Variants in ALK observed in about 807,000 individuals in gnomAD.
ALK encodes the protein ALK tyrosine kinase receptor.
A neutral mutation model predicts 163.1 loss-of-function variants in ALK; 74 were observed. The ratio of observed to expected loss-of-function variants is 0.45; its 90% CI spans 0.38 to 0.55. The LOEUF is 0.55. Ranked by LOEUF, ALK falls within the 20% of genes least tolerant of loss-of-function variation. The pLI, the probability that ALK is intolerant of heterozygous loss-of-function variation, is 0.00. For synonymous variants in ALK, 960 were observed against 843.2 expected, an observed-to-expected ratio of 1.14 and a Z score of -2.40; for missense variants, 2,063 against 2,105.3, an observed-to-expected ratio of 0.98 and a Z score of 0.39.
At chr2:29,549,236 G>C (rs1673652379) in intron 3 of ALK, among the ~76,000 whole-genome samples, 2 of 151,930 alleles carry the variant, frequency 1.3e-5, no homozygotes, top group Non-Finnish European at 2.9e-5. Flanking sequence ...TTCTTACTGT[G>C]AATCACAGTT....
intron 9 of ALK, among the ~76,000 whole-genome samples, chr2:29,283,824 T>C (rs1665776621): frequency 6.6e-6 from 1 of 152,200 alleles, no homozygotes. Context: ...ATGTGCTTCC[T>C]CAAGCAGTGC....
chr2:29,837,129 T>C (rs1296827385), intron 1 of ALK, among the ~76,000 whole-genome samples: 2 of 152,230 alleles, frequency 1.3e-5, no homozygotes, highest in African/African-American at 2.4e-5. Context: ...GAGAGTTGTA[T>C]GTTTCACAGT....
At chr2:29,244,224 C>T (rs1461101776) in intron 12 of ALK, among the ~76,000 whole-genome samples, 1 of 152,212 alleles carries the variant, frequency 6.6e-6, no homozygotes, top group Non-Finnish European at 1.5e-5. Context: ...CTGGGCTCTG[C>T]CTTTAACTCC....
intron 1 of ALK, among the ~76,000 whole-genome samples, chr2:29,877,393 G>C (rs535639983): frequency 6.6e-6 from 1 of 152,206 alleles, no homozygotes; most frequent in African/African-American, 2.4e-5. Context: ...TCCTATCACT[G>C]TCTGTCCCTT....
At chr2:29,269,602 G>C (rs72790281) in intron 11 of ALK, among the ~76,000 whole-genome samples, 229 of 152,282 alleles carry the variant, frequency 1.5e-3, no homozygotes, top group Non-Finnish European at 2.6e-3. Flanking sequence ...CCTTGTTAAG[G>C]CTGGTACTTC....
chr2:29,589,307 G>T (rs1674979825), intron 3 of ALK, among the ~76,000 whole-genome samples: 1 of 152,148 alleles, frequency 6.6e-6, no homozygotes, highest in Non-Finnish European at 1.5e-5. Flanking sequence ...AACAGGTGAG[G>T]GTCACAGGCA....
Position 29,233,622 on chromosome 2 carries a change from G to T in ALK, c.2430C>A (p.Ser810Arg). 6.2e-7 allele frequency: 1 copy of T among 1,614,162 alleles called. No individual in the cohort carries two copies. Among genetic ancestry groups the T allele is most frequent in the Non-Finnish European group, 8.5e-7 (1 of 1,180,026 alleles). Residue 810 changes from serine (S) to arginine (R), a missense_variant, in exon 14 of 29, where the codon AGC becomes AGA. Physicochemically the swap from Ser to Arg is moderately radical, Grantham distance 110. This residue lies in a region of ALK where 575 missense variants were observed against 626.6 expected (regional missense o/e 0.92). Coordinates refer to ENST00000389048, the MANE Select transcript of ALK (RefSeq NM_004304.5). ...VIEEEIRVNR[S>R]VHEWAGGGGG... Reference sequence around the variant, plus strand: ...CTCCGCCTCCTGCCCACTCATGCACGCTTCTGTTCACACGGATTTCTTCTT... The same window carrying T: ...CTCCGCCTCCTGCCCACTCATGCACTCTTCTGTTCACACGGATTTCTTCTT...
At chr2:29,310,225 G>T (rs1666659319) in intron 8 of ALK, among the ~76,000 whole-genome samples, 1 of 152,112 alleles carries the variant, frequency 6.6e-6, no homozygotes, top group Non-Finnish European at 1.5e-5. Context: ...TCATGACTCT[G>T]CCTCTAGCAG....
chr2:29,251,956 T>C (rs1664826196), intron 11 of ALK, among the ~76,000 whole-genome samples: 1 of 152,182 alleles, frequency 6.6e-6, no homozygotes, highest in South Asian at 2.1e-4. Flanking sequence ...AGGCTCCTTA[T>C]TAAAACCAGC....
chr2:29,546,403 T>C (rs1254923173), intron 3 of ALK, among the ~76,000 whole-genome samples: 1 of 152,140 alleles, frequency 6.6e-6, no homozygotes. Context: ...ATTTTGGTAA[T>C]CCTCAAGGAA....
intron 11 of ALK, among the ~76,000 whole-genome samples, chr2:29,253,986 T>C (rs1664891204): frequency 6.6e-6 from 1 of 152,158 alleles, no homozygotes; most frequent in South Asian, 2.1e-4. Flanking sequence ...AGGGACCAGA[T>C]GGAGATAATT....
intron 1 of ALK, among the ~76,000 whole-genome samples, chr2:29,916,269 C>G (rs568245746): frequency 6.6e-6 from 1 of 152,330 alleles, no homozygotes; most frequent in Non-Finnish European, 1.5e-5. Flanking sequence ...CAAGTATGAT[C>G]CAATTACTTC....
In ALK at chr2:29,435,150, G is replaced by A. The variant is rs574926333; in HGVS notation, c.1155-51291C>T. ...TTTGGGTCTTTACCCAAAACGCGGT[G>A]GAAATGAGCTAACCAAACGAAGGAA... On this transcript the variant is annotated intron_variant, in intron 4 of 28. Coordinates refer to ENST00000389048, the MANE Select transcript of ALK (RefSeq NM_004304.5). Among the ~76,000 whole-genome samples the A allele has an allele frequency of 1.6e-4, 24 of 152,150 alleles. 1 individual carries two copies. The South Asian group carries it at 4.6e-3, about 29-fold the overall frequency.
intron 3 of ALK, among the ~76,000 whole-genome samples, chr2:29,580,368 G>A (rs981863799): frequency 2.0e-5 from 3 of 152,138 alleles, no homozygotes; most frequent in Non-Finnish European, 4.4e-5. Context: ...ACTCGCTTCG[G>A]TGTCCTCTCC....
At chr2:29,475,986 G>A (rs1182122087) in intron 4 of ALK, among the ~76,000 whole-genome samples, 2 of 152,200 alleles carry the variant, frequency 1.3e-5, no homozygotes, top group Non-Finnish European at 2.9e-5. Context: ...GGGCTGCTTC[G>A]GACAGATGGG....
intron 1 of ALK, among the ~76,000 whole-genome samples, chr2:29,808,949 C>T (rs972734222): frequency 6.6e-6 from 1 of 152,156 alleles, no homozygotes; most frequent in African/African-American, 2.4e-5. Flanking sequence ...TGATAAAGCC[C>T]AGAGACACTT....
intron 1 of ALK, among the ~76,000 whole-genome samples, chr2:29,868,680 C>A (rs1443920889): frequency 1.3e-5 from 2 of 152,186 alleles, no homozygotes; most frequent in Non-Finnish European, 2.9e-5. Flanking sequence ...TTTCCTCACT[C>A]TAACAAATCA....
chr2:29,551,676 T>C (rs954367659), intron 3 of ALK, among the ~76,000 whole-genome samples: 8 of 152,178 alleles, frequency 5.3e-5, no homozygotes, highest in Non-Finnish European at 1.0e-4. Flanking sequence ...ACAGCATGGA[T>C]AGTGTGACCT....
At chr2:29,669,405 A>C (rs1205813530) in intron 3 of ALK, among the ~76,000 whole-genome samples, 1 of 152,060 alleles carries the variant, frequency 6.6e-6, no homozygotes, top group Non-Finnish European at 1.5e-5. Context: ...ACCTGATATA[A>C]ATATAGCTGC....
Sources: gnomAD v4.1 joint callset for allele counts (sites outside exome capture counted in the v4.1 genomes callset) on GRCh38, gnomAD v4.1.1 for gene constraint, gnomAD v4.1.1 regional missense constraint, MANE v1.5 for transcripts, NCBI Gene and HGNC (gene_info 2026-07-23, HGNC 2026-07-21) for gene names.